The following KCNJ4 variants were observed in gnomAD, a reference collection of about 807,000 sequenced individuals.
KCNJ4 encodes potassium inwardly rectifying channel subfamily J member 4.
KCNJ4 carries 3 observed loss-of-function variants against 25.6 expected under a neutral mutation model. The observed-to-expected ratio is 0.12, with a 90% confidence interval of 0.05 to 0.30. The LOEUF (loss-of-function observed/expected upper bound fraction) is 0.30, where lower values mean the gene tolerates loss of function less well. Ranked by LOEUF, KCNJ4 falls within the 10% of genes least tolerant of loss-of-function variation. KCNJ4 has a pLI of 1.00. For synonymous variants in KCNJ4, 257 were observed against 283.9 expected, an observed-to-expected ratio of 0.91 and a Z score of 0.95; for missense variants, 286 against 666.8, an observed-to-expected ratio of 0.43 and a Z score of 6.29.
In KCNJ4 at chr22:38,443,566, A is replaced by G. The variant is rs1203006618; in HGVS notation, c.-40+11414T>C. 6.6e-6 allele frequency among the ~76,000 whole-genome samples: 1 copy of G among 152,310 alleles called. No individual in the cohort carries two copies. The highest frequency in any genetic ancestry group is 1.5e-5 in the Non-Finnish European group (1 of 68,024). Reference sequence around the variant, plus strand: ...CCAGCCCTCCCTAAGCCCAACCGCAATAACAATGGGTTAATAACTAACATG... The same window carrying G: ...CCAGCCCTCCCTAAGCCCAACCGCAGTAACAATGGGTTAATAACTAACATG... On this transcript the variant is annotated intron_variant, in intron 1 of 1. Coordinates refer to ENST00000303592, the MANE Select transcript of KCNJ4 (RefSeq NM_152868.3). The surrounding 1 kb of genome is among the most constrained non-coding windows in gnomAD (Gnocchi z 4.1).
intron 1 of KCNJ4, among the ~76,000 whole-genome samples, chr22:38,453,321 C>T (rs984453364): frequency 2.6e-5 from 4 of 152,126 alleles, no homozygotes; most frequent in Non-Finnish European, 5.9e-5. Context: ...AAGCCACCCA[C>T]CCAAGGTCAC....
intron 1 of KCNJ4, among the ~76,000 whole-genome samples, chr22:38,431,968 G>A (rs1054413231): frequency 1.3e-5 from 2 of 149,610 alleles, no homozygotes; most frequent in African/African-American, 5.0e-5. Context: ...TTTTTTTAAA[G>A]GGCCCTGCTG....
chr22:38,438,716 AAAG>A (rs2145940120), intron 1 of KCNJ4, among the ~76,000 whole-genome samples: 1 of 151,402 alleles, frequency 6.6e-6, no homozygotes, highest in African/African-American at 2.4e-5. Context: ...AGAAAGAAAG[AAAG>A]AAAGAAAGAA....
At chr22:38,438,505 C>T (rs1383233115) in intron 1 of KCNJ4, among the ~76,000 whole-genome samples, 5 of 149,820 alleles carry the variant, frequency 3.3e-5, no homozygotes, top group African/African-American at 9.8e-5. Flanking sequence ...CTGGCTAACA[C>T]GGTGAAACCC....
chr22:38,453,365 A>G (rs943192630), intron 1 of KCNJ4, among the ~76,000 whole-genome samples: 2 of 152,114 alleles, frequency 1.3e-5, no homozygotes, highest in African/African-American at 4.8e-5. Flanking sequence ...GCCTGGTCAC[A>G]GCCACTCCAG....
intron 1 of KCNJ4, among the ~76,000 whole-genome samples, chr22:38,432,802 CTACAAAAAA>C (rs2093054194): frequency 6.6e-6 from 1 of 151,494 alleles, no homozygotes; most frequent in Non-Finnish European, 1.5e-5. Flanking sequence ...AACCCCATCT[CTACAAAAAA>C]TACAAAAAAA....
At chr22:38,442,404 AGGCGTGGT>A (rs2089341377) in intron 1 of KCNJ4, among the ~76,000 whole-genome samples, 1 of 151,978 alleles carries the variant, frequency 6.6e-6, no homozygotes, top group Non-Finnish European at 1.5e-5. Flanking sequence ...AAAATTAGCC[AGGCGTGGT>A]GGCGGGCACC....
intron 1 of KCNJ4, among the ~76,000 whole-genome samples, chr22:38,431,014 A>G (rs1428160503): frequency 1.3e-5 from 2 of 152,200 alleles, no homozygotes; most frequent in Admixed American, 6.5e-5. Context: ...GAAGAGAAGA[A>G]ACCAGCCAGT....
chr22:38,438,812 C>T (rs1435576050), intron 1 of KCNJ4, among the ~76,000 whole-genome samples: 1 of 152,158 alleles, frequency 6.6e-6, no homozygotes, highest in Non-Finnish European at 1.5e-5. Flanking sequence ...AGTGAGTGGA[C>T]CAGGATGAGG....
At chr22:38,445,822 G>A (rs1194289744) in intron 1 of KCNJ4, among the ~76,000 whole-genome samples, 1 of 152,212 alleles carries the variant, frequency 6.6e-6, no homozygotes, top group Non-Finnish European at 1.5e-5. Flanking sequence ...GCACTGGCCT[G>A]AGTGGGGGTT....
intron 1 of KCNJ4, among the ~76,000 whole-genome samples, chr22:38,438,704 A>AAAGG (rs1451820736): frequency 6.6e-5 from 3 of 45,666 alleles, no homozygotes; most frequent in African/African-American, 1.6e-4. Flanking sequence ...AAAAAGAAAA[A>AAAGG]AAGAAAGAAA....
intron 1 of KCNJ4, among the ~76,000 whole-genome samples, chr22:38,447,416 C>T (rs868545012): frequency 6.6e-6 from 1 of 152,280 alleles, no homozygotes; most frequent in Admixed American, 6.5e-5. Flanking sequence ...ATTTCACCCC[C>T]AGCCAGGGCC....
At chr22:38,453,205 G>A (rs1268551337) in intron 1 of KCNJ4, among the ~76,000 whole-genome samples, 2 of 152,044 alleles carry the variant, frequency 1.3e-5, no homozygotes, top group South Asian at 2.1e-4. Context: ...GCTGGCGCAC[G>A]CGGCTTTCAC....
Position 38,444,558 on chromosome 22 carries a change from G to A in KCNJ4, c.-40+10422C>T, listed in dbSNP as rs555674934. 4.6e-5 allele frequency among the ~76,000 whole-genome samples: 7 copies of A among 152,322 alleles called. No individual in the cohort carries two copies. In the East Asian group the frequency reaches 1.4e-3, roughly 29 times the overall value. ...TGTCCCCCAGGTGTCAGGGGCTCGG[G>A]GGAGGATGTCCTGGCCTCACCCAGG... On this transcript the variant is annotated intron_variant, in intron 1 of 1. Transcript: ENST00000303592.
In KCNJ4 at chr22:38,433,235, G is replaced by A. The variant is rs544956927; in HGVS notation, c.-39-5064C>T. On this transcript the variant is annotated intron_variant, in intron 1 of 1. Coordinates refer to ENST00000303592, the MANE Select transcript of KCNJ4 (RefSeq NM_152868.3). ...GGCCAAGGCGGGCGGATGACCTGAG[G>A]TCAGGAGTTTGAGACCAGCCTGACC... Among the ~76,000 whole-genome samples the A allele has an allele frequency of 5.9e-5, 9 of 152,300 alleles. No individual in the cohort carries two copies. The East Asian group carries it at 1.7e-3, about 29-fold the overall frequency.
Position 38,448,234 on chromosome 22 carries a change from G to A in KCNJ4, c.-40+6746C>T, listed in dbSNP as rs1193268025. Among the ~76,000 whole-genome samples the A allele has an allele frequency of 2.2e-4, 32 of 143,210 alleles. No homozygotes were observed. In the Admixed American group the frequency reaches 2.2e-3, roughly 10 times the overall value. 94.0% of individuals were successfully genotyped at this position (143,210 alleles called of 152,430 possible). On this transcript the variant is annotated intron_variant, in intron 1 of 1. Transcript: ENST00000303592. ...GCATTCCAGCCTGGGTGACAAGAGC[G>A]AAACTCCGTCTTAAAAAAAAAAAAA...
intron 1 of KCNJ4, among the ~76,000 whole-genome samples, chr22:38,441,323 A>C (rs985968993): frequency 6.6e-6 from 1 of 152,118 alleles, no homozygotes; most frequent in Non-Finnish European, 1.5e-5. Flanking sequence ...GGTGCTGGGG[A>C]AGAGCCAGGA....
intron 1 of KCNJ4, among the ~76,000 whole-genome samples, chr22:38,446,243 C>A (rs1205916602): frequency 6.6e-6 from 1 of 152,236 alleles, no homozygotes; most frequent in Admixed American, 6.5e-5. Flanking sequence ...TGTCCTCTAG[C>A]CTGTTGTCTC....
At position 38,429,099 on chromosome 22, in the gene KCNJ4, A is replaced by G. The variant is rs1014265464; in HGVS notation, c.-39-928T>C. ...ACCCCATGTCAAAAAAAAAAAAAAA[A>G]AAAAAAAGAAAGAAAAAGTTCTACT... On this transcript the variant is annotated intron_variant, in intron 1 of 1. Coordinates refer to ENST00000303592, the MANE Select transcript of KCNJ4 (RefSeq NM_152868.3). Among the ~76,000 whole-genome samples, 451 of 149,962 alleles carry G rather than the reference A, an allele frequency of 3.0e-3. 1 individual carries two copies. Among genetic ancestry groups the G allele is most frequent in the Non-Finnish European group, 4.0e-3 (273 of 67,688 alleles).
Sources: gnomAD v4.1 joint callset for allele counts (sites outside exome capture counted in the v4.1 genomes callset) on GRCh38, gnomAD v4.1.1 for gene constraint, Gnocchi (gnomAD v3.1) non-coding constraint, MANE v1.5 for transcripts, NCBI Gene and HGNC (gene_info 2026-07-23, HGNC 2026-07-21) for gene names.